Variants in RGS9 observed in about 807,000 individuals in gnomAD.
RGS9 encodes regulator of G protein signaling 9.
A neutral mutation model predicts 102.0 loss-of-function variants in RGS9; 78 were observed. That is an observed-to-expected ratio of 0.76 (90% CI 0.64 to 0.92). RGS9 has a LOEUF of 0.92. Among genes scored for constraint, RGS9 ranks in the 40% least tolerant of loss-of-function variants. The pLI, the probability that RGS9 is intolerant of heterozygous loss-of-function variation, is 0.00. For synonymous variants in RGS9, 353 were observed against 318.6 expected, an observed-to-expected ratio of 1.11 and a Z score of -1.15; for missense variants, 833 against 866.1, an observed-to-expected ratio of 0.96 and a Z score of 0.48.
At chr17:65,139,108 C>CCCGCCCCCCCCCCCCCCCCCCCCA (rs1910045367) in intron 1 of RGS9, among the ~76,000 whole-genome samples, 1 of 40,872 alleles carries the variant, frequency 2.4e-5, no homozygotes, top group African/African-American at 7.0e-5. Flanking sequence ...GCTCTCCCCC[C>CCCGCCCCCCCCCCCCCCCCCCCCA]TCCACCCCAC....
chr17:65,164,283 C>T (rs558911377), intron 7 of RGS9, among the ~76,000 whole-genome samples: 1 of 152,178 alleles, frequency 6.6e-6, no homozygotes, highest in Non-Finnish European at 1.5e-5. Flanking sequence ...GGGCTTTGTG[C>T]GTTGCTTAGC....
At chr17:65,225,674 G>T (rs531484887) in intron 18 of RGS9, 188 bp downstream of exon 18, 1 of 712,424 alleles carries the variant, frequency 1.4e-6, no homozygotes, top group Non-Finnish European at 2.4e-6. Context: ...CTGTCCTCCC[G>T]AGGGAGAAGG....
rs531105271 is a variant in RGS9 at position 65,156,653 on chromosome 17, A to G, written c.155-1642A>G. On this transcript the variant is annotated intron_variant, in intron 2 of 18. Coordinates refer to ENST00000262406, the MANE Select transcript of RGS9 (RefSeq NM_003835.4). ...GCGTGGTACAGATGCTGGTGGCACC[A>G]TAATCTCATTTGATCTATTTCGGGA... Among the ~76,000 whole-genome samples, 17 of 152,376 alleles carry G rather than the reference A, an allele frequency of 1.1e-4. 2 individuals are homozygous for G. In the South Asian group the frequency reaches 3.5e-3, roughly 32 times the overall value.
Position 65,224,893 on chromosome 17 carries a change from C to T in RGS9, c.1408-109C>T, listed in dbSNP as rs34581169. The stretch of plus-strand genomic sequence containing the variant: ...CCCTAGGAGGCAGCCATATCAGGCC[C>T]GCACTCTTGTCGCTGGAAGGGGACT... On this transcript the variant is annotated intron_variant, in intron 17 of 18. Transcript: ENST00000262406. 5,335 of 1,461,274 alleles carry T rather than the reference C, an allele frequency of 3.7e-3. 20 individuals are homozygous for T. Among genetic ancestry groups the T allele is most frequent in the Non-Finnish European group, 4.3e-3 (4,514 of 1,055,498 alleles). 90.5% of individuals were successfully genotyped at this position (1,461,274 alleles called of 1,614,324 possible).
At chr17:65,210,462 A>G in intron 16 of RGS9, 26 bp from the exon 17 acceptor site, 1 of 1,612,206 alleles carries the variant, frequency 6.2e-7, no homozygotes, top group Non-Finnish European at 8.5e-7. Context: ...ATTTTCCTCC[A>G]ACCACCAATC....
chr17:65,211,097 C>T (rs1170170748), intron 17 of RGS9, among the ~76,000 whole-genome samples: 1 of 152,172 alleles, frequency 6.6e-6, no homozygotes, highest in African/African-American at 2.4e-5. Flanking sequence ...TCTCCCCATA[C>T]CCAAGGCCTA....
intron 9 of RGS9, chr17:65,180,147 T>G (rs950023349): frequency 2.6e-5 from 4 of 152,234 alleles, no homozygotes; most frequent in African/African-American, 9.7e-5. Flanking sequence ...CTGCAACATT[T>G]TCCACTGTCT....
intron 3 of RGS9, 113 bp from the exon 4 acceptor site, chr17:65,160,120 C>A (rs1910919347): frequency 3.7e-6 from 3 of 821,304 alleles, no homozygotes; most frequent in Non-Finnish European, 6.4e-6. Context: ...TCATGAGATG[C>A]AGTGCTGTTA....
At chr17:65,227,225 T>A in intron 18 of RGS9, 50 bp from the exon 19 acceptor site, 1 of 1,613,008 alleles carries the variant, frequency 6.2e-7, no homozygotes, top group African/African-American at 1.3e-5. Flanking sequence ...GGAGGTGCAG[T>A]CCCTCCTGCC....
At chr17:65,189,008 G>C (rs979935988) in intron 9 of RGS9, 45 of 518,392 alleles carry the variant, frequency 8.7e-5, no homozygotes, top group Non-Finnish European at 1.4e-5. Flanking sequence ...ACTGACACCA[G>C]TTTCAAATTT....
intron 10 of RGS9, 64 bp downstream of exon 10, chr17:65,189,379 T>G: frequency 8.0e-7 from 1 of 1,251,736 alleles, no homozygotes; most frequent in Non-Finnish European, 1.2e-6. Context: ...ATATGTACTT[T>G]GTTTTACCCT....
chr17:65,151,679 GCTT>G lies in RGS9; in HGVS notation c.58-1736_58-1734del, dbSNP rs372763286. Among the ~76,000 whole-genome samples the G allele has an allele frequency of 2.5e-3, 381 of 152,334 alleles. 1 individual carries two copies. The highest frequency in any genetic ancestry group is 8.8e-3 in the African/African-American group (364 of 41,570). ...GCAGACACCTTTGCTTCCAGAAGTG[GCTT>G]CTTCTTTGCATTTTCTAGTTTGGTA... On this transcript the variant is annotated intron_variant, in intron 1 of 18. Transcript: ENST00000262406.
intron 1 of RGS9, 63 bp downstream of exon 1, chr17:65,137,660 C>T (rs1051914591): frequency 1.3e-6 from 2 of 1,551,396 alleles, no homozygotes; most frequent in African/African-American, 1.4e-5. Context: ...GCGAAGCGTC[C>T]GAGGACAAGA....
At chr17:65,213,379 C>T (rs749360860) in intron 17 of RGS9, among the ~76,000 whole-genome samples, 7 of 152,160 alleles carry the variant, frequency 4.6e-5, no homozygotes, top group Non-Finnish European at 7.3e-5. Flanking sequence ...AACGTGTTTT[C>T]GGGCTCTCCT....
Position 65,204,157 on chromosome 17 carries a change from C to A in RGS9, c.1065-6C>A, listed in dbSNP as rs367801894. 1.3e-5 allele frequency: 21 copies of A among 1,612,330 alleles called. No homozygotes were observed. The Middle Eastern group carries it at 8.6e-4, about 66-fold the overall frequency. On this transcript the variant is annotated splice_polypyrimidine_tract_variant and splice_region_variant and intron_variant, in intron 14 of 18. Coordinates refer to ENST00000262406, the MANE Select transcript of RGS9 (RefSeq NM_003835.4). Reference sequence around the variant, plus strand: ...TACTTTTGCTAACATCTCCCTCCCACCCCAGGCTGTTCCTGGCCCCGGGGG... The same window carrying A: ...TACTTTTGCTAACATCTCCCTCCCAACCCAGGCTGTTCCTGGCCCCGGGGG...
intron 9 of RGS9, among the ~76,000 whole-genome samples, chr17:65,187,097 G>A (rs544352941): frequency 4.6e-5 from 7 of 152,252 alleles, no homozygotes; most frequent in South Asian, 2.1e-4. Context: ...GATCATTTGG[G>A]GAGTGCTTTC....
intron 1 of RGS9, among the ~76,000 whole-genome samples, chr17:65,149,023 G>A (rs1310332914): frequency 3.3e-5 from 5 of 151,962 alleles, no homozygotes; most frequent in Non-Finnish European, 7.3e-5. Flanking sequence ...GTGCAGTGAC[G>A]TGATCTCGGC....
chr17:65,205,133 C>CT (rs1913002275), intron 15 of RGS9, among the ~76,000 whole-genome samples: 1 of 152,124 alleles, frequency 6.6e-6, no homozygotes, highest in Admixed American at 6.5e-5. Context: ...TGAAGGGTAC[C>CT]TGAGAGAAAA....
Position 65,153,485 on chromosome 17 carries a change from G to C in RGS9, c.121G>C (p.Val41Leu). 1 of 1,614,200 alleles carries C rather than the reference G, an allele frequency of 6.2e-7. No individual in the cohort carries two copies. The highest frequency in any genetic ancestry group is 1.1e-5 in the South Asian group (1 of 91,084). The change falls in exon 2 of 19, where the codon GTC becomes CTC. Residue 41 changes from valine to leucine, a missense_variant. By Grantham distance (32) the Val-to-Leu change is conservative. This residue lies in a region of RGS9 where 328 missense variants were observed against 340.6 expected (regional missense o/e 0.96). Transcript: ENST00000262406. ...ETGVRMQNQRVLVTSVPHAMT... is the reference protein window; with the variant it reads ...ETGVRMQNQRLLVTSVPHAMT... ...AGGGGTCCGAATGCAGAACCAGAGG[G>C]TCCTGGTCACCAGCGTTCCTCATGC...
Sources: allele counts gnomAD v4.1 joint callset (sites outside exome capture counted in the v4.1 genomes callset), GRCh38; gene constraint gnomAD v4.1.1; regional missense constraint gnomAD v4.1.1; transcripts MANE v1.5; gene names NCBI Gene and HGNC (gene_info 2026-07-23, HGNC 2026-07-21).